CLTA: variants seen among roughly 807,000 people sequenced by gnomAD.
The protein encoded by CLTA is clathrin light chain A.
In CLTA, 9 loss-of-function variants were observed where a neutral mutation model predicts 26.9. The observed-to-expected ratio is 0.33, with a 90% CI of 0.20 to 0.58. The LOEUF (loss-of-function observed/expected upper bound fraction) is 0.58. Among genes scored for constraint, CLTA ranks in the 20% least tolerant of loss-of-function variants. CLTA has a pLI of 0.85. For synonymous variants in CLTA, 120 were observed against 115.5 expected (o/e 1.04, Z -0.25); for missense variants, 278 against 294.2 (o/e 0.94, Z 0.40).
chr9:36,207,798 C>A lies in CLTA; in HGVS notation c.485+3619C>A, dbSNP rs142290331. Among the ~76,000 whole-genome samples the A allele has an allele frequency of 9.9e-3, 1,504 of 152,316 alleles. 31 individuals carry two copies. The highest frequency in any genetic ancestry group is 0.035 in the African/African-American group (1,436 of 41,554). ...GATGATTTGACAGGAGTCATGAAAC[C>A]TCTACTCTTCTTGTGGAGGGAAACC... On this transcript the variant is annotated intron_variant, in intron 4 of 4. Transcript: ENST00000345519.
chr9:36,205,755 G>GTTTTTTTTTTTTTTTTTTTT (rs746587996), intron 4 of CLTA, among the ~76,000 whole-genome samples: 1 of 94,006 alleles, frequency 1.1e-5, no homozygotes. Flanking sequence ...AATGACACCT[G>GTTTTTTTTTTTTTTTTTTTT]TTTTTTTTTT....
chr9:36,211,286 A>T (rs989951897), intron 4 of CLTA, among the ~76,000 whole-genome samples: 17 of 152,196 alleles, frequency 1.1e-4, no homozygotes, highest in Admixed American at 1.1e-3. Flanking sequence ...TGTTCTTATT[A>T]ATAAAAGCAG....
chr9:36,190,876 G>C, upstream of CLTA: 2 of 1,021,070 alleles, frequency 2.0e-6, no homozygotes, highest in Non-Finnish European at 2.7e-6. Context: ...TCCCTTTTCG[G>C]CTCTGCAACA....
Position 36,211,614 on chromosome 9 carries a change from A to C in CLTA, c.497A>C (p.Glu166Ala), listed in dbSNP as rs763148944. Residue 166 changes from glutamate to alanine, a missense_variant, in exon 5 of 5, where the codon GAA becomes GCA. Transcript: ENST00000345519. ...GTTGTTGCTTCCAGGGCAGCAGAAGAAGCCTTTGTAAATGACATTGACGAG... is the reference window on the plus strand; with the variant it reads ...GTTGTTGCTTCCAGGGCAGCAGAAGCAGCCTTTGTAAATGACATTGACGAG... ...KTKANNRAAE[E>A]AFVNDIDESS... The C allele has an allele frequency of 1.5e-5, 24 of 1,611,622 alleles. No individual in the cohort carries two copies. The Admixed American group carries it at 1.7e-4, about 11-fold the overall frequency.
intron 4 of CLTA, among the ~76,000 whole-genome samples, chr9:36,204,839 G>T (rs1827620374): frequency 6.6e-6 from 1 of 152,234 alleles, no homozygotes; most frequent in Admixed American, 6.5e-5. Flanking sequence ...TACACTTAGA[G>T]CCCTTCTTGG....
At chr9:36,203,804 C>T (rs542233710) in intron 3 of CLTA, among the ~76,000 whole-genome samples, 174 of 152,278 alleles carry the variant, frequency 1.1e-3, no homozygotes, top group African/African-American at 3.9e-3. Context: ...AAACTAATGA[C>T]CCACTAAGAT....
At chr9:36,209,452 A>C in intron 4 of CLTA, 1 of 701,996 alleles carries the variant, frequency 1.4e-6, no homozygotes, top group Middle Eastern at 3.1e-4. Context: ...GGGCTGCCTA[A>C]GAATTGATAA....
intron 4 of CLTA, among the ~76,000 whole-genome samples, chr9:36,206,281 C>T (rs1409976491): frequency 2.0e-5 from 3 of 151,008 alleles, no homozygotes; most frequent in Admixed American, 6.6e-5. Flanking sequence ...CCTTGCAGCA[C>T]AGGGCTGACT....
intron 4 of CLTA, among the ~76,000 whole-genome samples, chr9:36,204,802 CT>C (rs1357040395): frequency 1.3e-5 from 2 of 152,184 alleles, no homozygotes; most frequent in Non-Finnish European, 2.9e-5. Flanking sequence ...CATATCACTA[CT>C]CACCAGCAGC....
At chr9:36,203,123 A>G (rs151038294) in intron 3 of CLTA, among the ~76,000 whole-genome samples, 46 of 152,094 alleles carry the variant, frequency 3.0e-4, no homozygotes, top group African/African-American at 1.1e-3. Context: ...GTGAGCCACC[A>G]CAAGCAGCCG....
chr9:36,203,949 A>G (rs371361961), intron 3 of CLTA, 119 bp from the exon 4 acceptor site: 18 of 1,375,268 alleles, frequency 1.3e-5, no homozygotes, highest in Middle Eastern at 4.8e-4. Flanking sequence ...TTCTCCCCCA[A>G]CAGGCACACA....
Position 36,190,983 on chromosome 9 carries a change from C to T in CLTA, c.-74C>T. On this transcript the variant is annotated 5_prime_UTR_variant, in exon 1 of 5. Coordinates refer to ENST00000345519, the MANE Select transcript of CLTA (RefSeq NM_001833.4). ...CTCCCAGTCGGCACCACAGCGGTGG[C>T]TGCCGGGCGTGGTGTCGGTGGGTCG... The T allele has an allele frequency of 6.8e-7, 1 of 1,460,398 alleles. No individual in the cohort carries two copies. Among genetic ancestry groups the T allele is most frequent in the East Asian group, 2.6e-5 (1 of 39,162 alleles). The allele number at this position is 1,460,398 out of a possible 1,614,324, so 90.5% of individuals were successfully genotyped here.
intron 2 of CLTA, among the ~76,000 whole-genome samples, chr9:36,198,157 C>T (rs6476539): frequency 0.25 from 37,824 of 151,572 alleles, 6,218 homozygotes; most frequent in African/African-American, 0.46. Context: ...CCACCACGCC[C>T]GGCTAATTTT....
chr9:36,208,459 T>TAG (rs770285777), intron 4 of CLTA, among the ~76,000 whole-genome samples: 1 of 152,240 alleles, frequency 6.6e-6, no homozygotes, highest in South Asian at 2.1e-4. Context: ...GCTTCTTGAG[T>TAG]AGAGAGAGAG....
rs761741991 is a variant in CLTA at position 36,210,597 on chromosome 9, C to T, written c.486-1006C>T. On this transcript the variant is annotated intron_variant, in intron 4 of 4. Transcript: ENST00000345519. ...TCTATATCTGACTTAAAGTTTCTCT[C>T]GTTTCTTTTCTTCTCTTCACCTTTA... The T allele has an allele frequency of 3.1e-6, 5 of 1,614,046 alleles. No individual in the cohort carries two copies. The South Asian group carries it at 3.3e-5, about 11-fold the overall frequency.
intron 1 of CLTA, among the ~76,000 whole-genome samples, chr9:36,191,833 A>G (rs7038386): frequency 0.095 from 14,505 of 152,244 alleles, 937 homozygotes; most frequent in East Asian, 0.17. Context: ...GTCTGGAGAA[A>G]GAACTGCCAA....
At chr9:36,196,908 C>T (rs1349324070) in intron 1 of CLTA, among the ~76,000 whole-genome samples, 2 of 152,278 alleles carry the variant, frequency 1.3e-5, no homozygotes, top group East Asian at 3.9e-4. Flanking sequence ...GGCATGGTGG[C>T]TCATGCCTGT....
intron 2 of CLTA, among the ~76,000 whole-genome samples, chr9:36,198,247 C>T (rs1214870322): frequency 6.6e-6 from 1 of 151,986 alleles, no homozygotes; most frequent in African/African-American, 2.4e-5. Context: ...ACCATCCCGC[C>T]TTGGCCTCCC....
intron 2 of CLTA, among the ~76,000 whole-genome samples, 173 bp from the exon 3 acceptor site, chr9:36,198,806 G>A (rs915937023): frequency 6.6e-5 from 10 of 151,054 alleles, no homozygotes; most frequent in Non-Finnish European, 1.3e-4. Context: ...CCGGGAGGTG[G>A]AGGTTGCAGT....
Sources: allele counts gnomAD v4.1 joint callset (sites outside exome capture counted in the v4.1 genomes callset), GRCh38; gene constraint gnomAD v4.1.1; transcripts MANE v1.5; gene names NCBI Gene and HGNC (gene_info 2026-07-23, HGNC 2026-07-21).